The following GABBR2 variants were observed in gnomAD, a reference collection of about 807,000 sequenced individuals.
GABBR2 encodes the protein gamma-aminobutyric acid type B receptor subunit 2.
GABBR2 carries 23 observed loss-of-function variants against 105.6 expected under a neutral mutation model. The ratio of observed to expected loss-of-function variants is 0.22; its 90% CI spans 0.16 to 0.31. The LOEUF is 0.31. Ranked by LOEUF, GABBR2 falls within the 10% of genes least tolerant of loss-of-function variation. The pLI, the probability that GABBR2 is intolerant of heterozygous loss-of-function variation, is 1.00. For synonymous variants in GABBR2, 478 were observed against 499.7 expected (o/e 0.96, Z 0.58); for missense variants, 734 against 1,245.5 (o/e 0.59, Z 6.18).
rs559464713 is a variant in GABBR2 at position 98,606,487 on chromosome 9, T to C, written c.322-28415A>G. On this transcript the variant is annotated intron_variant, in intron 1 of 18. Coordinates refer to ENST00000259455, the MANE Select transcript of GABBR2 (RefSeq NM_005458.8). The stretch of plus-strand genomic sequence containing the variant: ...TGTCTATTATCTTTTTTTTTTCTTT[T>C]TTTTTTTTTTTGAGATGGAGTCTCA... 1.7e-3 allele frequency among the ~76,000 whole-genome samples: 232 copies of C among 133,004 alleles called. 1 individual carries two copies. Among genetic ancestry groups the C allele is most frequent in the African/African-American group, 6.0e-3 (225 of 37,754 alleles). 87.3% of individuals were successfully genotyped at this position (133,004 alleles called of 152,430 possible).
chr9:98,290,513 T>A lies in GABBR2; in HGVS notation c.*71A>T. 1 of 1,113,452 alleles carries A rather than the reference T, an allele frequency of 9.0e-7. No individual in the cohort carries two copies. The highest frequency in any genetic ancestry group is 1.2e-6 in the Non-Finnish European group (1 of 856,576). 69.0% of individuals were successfully genotyped at this position (1,113,452 alleles called of 1,614,324 possible). On this transcript the variant is annotated 3_prime_UTR_variant, in exon 19 of 19. Coordinates refer to ENST00000259455, the MANE Select transcript of GABBR2 (RefSeq NM_005458.8). ...TTCTCCGCAGCCAGAGCCGACAGTG[T>A]TTCTGCAGCAGACCCCTCTGCCCAG...
intron 2 of GABBR2, among the ~76,000 whole-genome samples, chr9:98,542,650 G>A (rs1400811549): frequency 2.0e-5 from 3 of 152,108 alleles, no homozygotes; most frequent in African/African-American, 7.2e-5. Context: ...AGTCTTTAAA[G>A]ATTTATACTT....
intron 8 of GABBR2, among the ~76,000 whole-genome samples, chr9:98,405,814 T>G (rs949428689): frequency 2.0e-5 from 3 of 152,232 alleles, no homozygotes; most frequent in African/African-American, 7.2e-5. Context: ...AATCATCCAT[T>G]TTTTTCCTGA....
At chr9:98,527,097 A>AT (rs1554714717) in intron 3 of GABBR2, among the ~76,000 whole-genome samples, 6 of 147,438 alleles carry the variant, frequency 4.1e-5, no homozygotes, top group Non-Finnish European at 7.4e-5. Flanking sequence ...ATATAATAAT[A>AT]ATATATATAT....
intron 1 of GABBR2, among the ~76,000 whole-genome samples, chr9:98,660,024 T>C (rs1317005184): frequency 6.6e-6 from 1 of 152,226 alleles, no homozygotes; most frequent in African/African-American, 2.4e-5. Context: ...CATTATATTA[T>C]ACACACTAAT....
intron 4 of GABBR2, among the ~76,000 whole-genome samples, chr9:98,490,800 G>A (rs1246938151): frequency 1.3e-5 from 2 of 152,196 alleles, no homozygotes; most frequent in Non-Finnish European, 2.9e-5. Context: ...TCTGTGCAGA[G>A]CAGCTTCCCA....
At chr9:98,535,630 G>A (rs1038611331) in intron 3 of GABBR2, among the ~76,000 whole-genome samples, 1 of 151,962 alleles carries the variant, frequency 6.6e-6, no homozygotes, top group African/African-American at 2.4e-5. Context: ...CTCAGATTTT[G>A]GTACCCATGG....
chr9:98,291,560 G>GTGT (rs1830302995), intron 18 of GABBR2, among the ~76,000 whole-genome samples: 1 of 152,142 alleles, frequency 6.6e-6, no homozygotes, highest in African/African-American at 2.4e-5. Flanking sequence ...TTGGTAACTA[G>GTGT]TGTTATCTTT....
At chr9:98,572,422 C>T (rs879711598) in intron 2 of GABBR2, among the ~76,000 whole-genome samples, 3 of 152,228 alleles carry the variant, frequency 2.0e-5, no homozygotes, top group African/African-American at 2.4e-5. Flanking sequence ...AGCATTGCTC[C>T]TCCAAAAAGG....
chr9:98,367,264 T>C (rs1455420429), intron 12 of GABBR2, among the ~76,000 whole-genome samples: 1 of 143,272 alleles, frequency 7.0e-6, no homozygotes, highest in Non-Finnish European at 1.5e-5. Flanking sequence ...ATGATTGCAT[T>C]TGCAAATTTA....
chr9:98,586,902 G>GCAAA (rs1267969151), intron 1 of GABBR2, among the ~76,000 whole-genome samples: 3 of 152,214 alleles, frequency 2.0e-5, no homozygotes, highest in Non-Finnish European at 2.9e-5. Context: ...CTGTAAGCAA[G>GCAAA]ATGGTCGAAT....
chr9:98,685,659 C>T (rs574792036), intron 1 of GABBR2, among the ~76,000 whole-genome samples: 1 of 152,326 alleles, frequency 6.6e-6, no homozygotes, highest in Non-Finnish European at 1.5e-5. Context: ...CCATGACAAA[C>T]AGTGTCTCCT....
intron 12 of GABBR2, among the ~76,000 whole-genome samples, chr9:98,371,031 T>G (rs1299032960): frequency 1.3e-5 from 2 of 152,070 alleles, no homozygotes; most frequent in African/African-American, 4.8e-5. Context: ...CCTCTTCCTG[T>G]ACCCTGTCCC....
chr9:98,387,177 G>A (rs1832088762), intron 10 of GABBR2, among the ~76,000 whole-genome samples: 1 of 152,126 alleles, frequency 6.6e-6, no homozygotes, highest in African/African-American at 2.4e-5. Context: ...GGGAACCATA[G>A]CAATATTTTT....
intron 13 of GABBR2, among the ~76,000 whole-genome samples, chr9:98,337,261 C>A (rs563486838): frequency 6.6e-6 from 1 of 152,202 alleles, no homozygotes; most frequent in South Asian, 2.1e-4. Context: ...GCCAAGATTG[C>A]ACCAATGCAC....
intron 1 of GABBR2, among the ~76,000 whole-genome samples, chr9:98,699,039 G>C (rs1262301664): frequency 1.3e-5 from 2 of 152,138 alleles, no homozygotes; most frequent in African/African-American, 4.8e-5. Flanking sequence ...GACTCACCAA[G>C]GCTGATGAAC....
rs59702034 is a variant in GABBR2 at position 98,505,423 on chromosome 9, GGTGTGTGT to G, written c.631-8917_631-8910del. ...GTGGGTATATATCCAGCTGTATCCAGGTGTGTGTGTGTGTGTGTGTGTGTGTGTGTGTG... is the reference window on the plus strand; with the variant it reads ...GTGGGTATATATCCAGCTGTATCCAGGTGTGTGTGTGTGTGTGTGTGTGTG... On this transcript the variant is annotated intron_variant, in intron 3 of 18. Transcript: ENST00000259455. Among the ~76,000 whole-genome samples, 147 of 148,422 alleles carry G rather than the reference GGTGTGTGT, an allele frequency of 9.9e-4. 1 individual carries two copies. The highest frequency in any genetic ancestry group is 3.7e-3 in the South Asian group (17 of 4,632).
In GABBR2 at chr9:98,582,557, C is replaced by A. The variant is rs7865271; in HGVS notation, c.322-4485G>T. 3.1e-3 allele frequency among the ~76,000 whole-genome samples: 478 copies of A among 152,252 alleles called. 2 individuals are homozygous for A. Among genetic ancestry groups the A allele is most frequent in the African/African-American group, 0.011 (460 of 41,546 alleles). ...AATAAATAGGTGTGGTTTACATCAC[C>A]AAATTTGTGGTGATCAGTTACAGCA... On this transcript the variant is annotated intron_variant, in intron 1 of 18. Transcript: ENST00000259455.
intron 1 of GABBR2, chr9:98,607,071 A>C: frequency 1.4e-6 from 2 of 1,476,356 alleles, no homozygotes; most frequent in Non-Finnish European, 1.9e-6. Context: ...AAAATCAGTT[A>C]AGAGATCTGG....
Sources: gnomAD v4.1 joint callset for allele counts (sites outside exome capture counted in the v4.1 genomes callset) on GRCh38, gnomAD v4.1.1 for gene constraint, MANE v1.5 for transcripts, NCBI Gene and HGNC (gene_info 2026-07-23, HGNC 2026-07-21) for gene names.